Variants in BARX2 observed in about 807,000 individuals in gnomAD.
BARX2 encodes the protein homeobox protein BarH-like 2.
Under a neutral mutation model 25.5 loss-of-function variants are expected in BARX2, and 11 were observed. That is an observed-to-expected ratio of 0.43 (90% CI 0.27 to 0.71). BARX2 has a LOEUF of 0.71. Ranked by LOEUF, BARX2 falls within the 30% of genes least tolerant of loss-of-function variation. BARX2 has a pLI of 0.19. For missense variants in BARX2, 360 were observed against 359.9 expected (o/e 1.00, Z 0.00); for synonymous variants, 137 against 149.5 (o/e 0.92, Z 0.61).
rs144761176 is a variant in BARX2, at chr11:129,396,011, T to TG, written c.187+19790dup. Among the ~76,000 whole-genome samples the TG allele has an allele frequency of 6.7e-3, 1,017 of 152,278 alleles. 18 individuals are homozygous for TG. The highest frequency in any genetic ancestry group is 0.023 in the African/African-American group (973 of 41,542). ...CAGCAGAAAGCCAGGAAACACAATC[T>TG]GCAAGAAGCTAGGGGTGTAATAATA... On this transcript the variant is annotated intron_variant, in intron 1 of 3. Coordinates refer to ENST00000281437, the MANE Select transcript of BARX2 (RefSeq NM_003658.5).
At chr11:129,411,489 T>C (rs531500912) in intron 1 of BARX2, among the ~76,000 whole-genome samples, 13 of 152,116 alleles carry the variant, frequency 8.5e-5, no homozygotes, top group Admixed American at 2.0e-4. Flanking sequence ...TTTGCTTACA[T>C]GGCAATTCTG....
chr11:129,395,851 C>T (rs1402410967), intron 1 of BARX2, among the ~76,000 whole-genome samples: 3 of 152,188 alleles, frequency 2.0e-5, no homozygotes, highest in East Asian at 1.9e-4. Flanking sequence ...GCAGGCTGCT[C>T]ATGGTGAAAT....
In BARX2 at chr11:129,405,972, C is replaced by G. The variant is rs1025290612; in HGVS notation, c.187+29750C>G. 6.6e-5 allele frequency among the ~76,000 whole-genome samples: 10 copies of G among 152,292 alleles called. No homozygotes were observed. In the East Asian group the frequency reaches 1.9e-3, roughly 29 times the overall value. The stretch of plus-strand genomic sequence containing the variant: ...CTTTAGTCCACATTTAAGTGATTGT[C>G]TTGCTTTATAGGTACCTATGTATGT... On this transcript the variant is annotated intron_variant, in intron 1 of 3. Transcript: ENST00000281437.
chr11:129,400,279 A>G (rs972579441), intron 1 of BARX2, among the ~76,000 whole-genome samples: 4 of 152,154 alleles, frequency 2.6e-5, no homozygotes, highest in African/African-American at 9.7e-5. Context: ...GTCAATTTAA[A>G]TACCCTGGGC....
intron 1 of BARX2, among the ~76,000 whole-genome samples, chr11:129,410,456 G>C (rs1205946011): frequency 6.6e-6 from 1 of 151,998 alleles, no homozygotes; most frequent in Non-Finnish European, 1.5e-5. Flanking sequence ...CCACCTGTTT[G>C]TTTGATTTCT....
chr11:129,398,670 C>A (rs1460573938), intron 1 of BARX2, among the ~76,000 whole-genome samples: 1 of 152,060 alleles, frequency 6.6e-6, no homozygotes, highest in Non-Finnish European at 1.5e-5. Flanking sequence ...AATTTAGAAC[C>A]CTGTGTTTGA....
rs141963466 is a variant in BARX2, at chr11:129,404,317, C to G, written c.187+28095C>G. ...CCACAGATTACAAGGGCATGCCTGT[C>G]TCATGCGCCAACCAAAATGATGGTG... On this transcript the variant is annotated intron_variant, in intron 1 of 3. Transcript: ENST00000281437. 2.0e-3 allele frequency among the ~76,000 whole-genome samples: 299 copies of G among 152,364 alleles called. 2 individuals carry two copies. Among genetic ancestry groups the G allele is most frequent in the African/African-American group, 7.0e-3 (291 of 41,590 alleles).
chr11:129,396,392 C>CT (rs751936942), intron 1 of BARX2, among the ~76,000 whole-genome samples: 1,864 of 143,144 alleles, frequency 0.013, 30 homozygotes, highest in African/African-American at 0.038. Flanking sequence ...CCCCACTCAC[C>CT]TTTTTTTTTT....
intron 1 of BARX2, among the ~76,000 whole-genome samples, chr11:129,377,243 G>A (rs545574667): frequency 6.6e-6 from 1 of 152,246 alleles, no homozygotes; most frequent in East Asian, 1.9e-4. Context: ...AAAATGAAGG[G>A]CCAACAGTTT....
chr11:129,419,933 A>T (rs1253894553), intron 1 of BARX2, among the ~76,000 whole-genome samples: 2 of 151,892 alleles, frequency 1.3e-5, no homozygotes, highest in Non-Finnish European at 2.9e-5. Context: ...TGCATTAGCC[A>T]CCACGTCTGG....
chr11:129,410,804 C>T (rs1269116009), intron 1 of BARX2, among the ~76,000 whole-genome samples: 3 of 152,126 alleles, frequency 2.0e-5, no homozygotes, highest in African/African-American at 7.2e-5. Context: ...CAGGGTTCAC[C>T]CCACAGTTCT....
At chr11:129,402,564 T>G (rs928346546) in intron 1 of BARX2, among the ~76,000 whole-genome samples, 2 of 152,190 alleles carry the variant, frequency 1.3e-5, no homozygotes, top group Non-Finnish European at 2.9e-5. Context: ...GCCCTTTCAT[T>G]TATAGTATTT....
chr11:129,451,164 C>A lies in BARX2; in HGVS notation c.602C>A (p.Thr201Lys). The A allele has an allele frequency of 6.2e-7, 1 of 1,614,062 alleles. No individual in the cohort carries two copies. Among genetic ancestry groups the A allele is most frequent in the Non-Finnish European group, 8.5e-7 (1 of 1,179,980 alleles). Residue 201 changes from threonine to lysine, a missense_variant, in exon 4 of 4, where the codon ACA (threonine) becomes AAA (lysine). Physicochemically the swap from Thr to Lys is moderately conservative, Grantham distance 78 (BLOSUM62 -1). Around this residue, in one of 3 missense-constraint regions of BARX2, gnomAD observed 114 missense variants for 109.4 expected, o/e 1.04. Transcript: ENST00000281437. ...CTTAAAGGTGGACAGGAAGCACCCA[C>A]AAAACCCAAAGGTCGCCCCAAGAAG... ...MVLKGGQEAP[T>K]KPKGRPKKNS...
At chr11:129,445,011 AAT>A (rs138863735) in intron 3 of BARX2, among the ~76,000 whole-genome samples, 8,050 of 151,664 alleles carry the variant, frequency 0.053, 697 homozygotes, top group African/African-American at 0.18. Context: ...AAAAAATAAA[AAT>A]AAAATAAATA....
intron 1 of BARX2, among the ~76,000 whole-genome samples, chr11:129,422,705 C>CT (rs35370470): frequency 0.014 from 1,850 of 136,692 alleles, 28 homozygotes; most frequent in African/African-American, 0.038. Context: ...ATTTTATTCT[C>CT]TTTTTTTTTT....
At chr11:129,450,167 C>G (rs1277776928) in intron 3 of BARX2, among the ~76,000 whole-genome samples, 1 of 152,142 alleles carries the variant, frequency 6.6e-6, no homozygotes, top group Admixed American at 6.5e-5. Context: ...GAATTTAACC[C>G]AGTTTTTCTA....
At position 129,445,940 on chromosome 11, in the gene BARX2, C is replaced by T. The variant is rs192117725; in HGVS notation, c.573+3021C>T. Among the ~76,000 whole-genome samples the T allele has an allele frequency of 6.1e-4, 93 of 152,238 alleles. 3 individuals carry two copies. In the East Asian group the frequency reaches 0.014, roughly 22 times the overall value. On this transcript the variant is annotated intron_variant, in intron 3 of 3. Coordinates refer to ENST00000281437, the MANE Select transcript of BARX2 (RefSeq NM_003658.5). ...AAAGATAATTGAGTAATAAAGATGT[C>T]TCAAGGCTAGTAACCTAATTGGAAC...
intron 1 of BARX2, among the ~76,000 whole-genome samples, chr11:129,402,867 C>T (rs140995870): frequency 2.2e-4 from 34 of 152,294 alleles, no homozygotes; most frequent in African/African-American, 7.5e-4. Flanking sequence ...CCTGGGAGTC[C>T]TTGTCCTCAA....
intron 1 of BARX2, among the ~76,000 whole-genome samples, chr11:129,392,047 C>T (rs1209883230): frequency 6.6e-6 from 1 of 152,224 alleles, no homozygotes; most frequent in African/African-American, 2.4e-5. Context: ...GGATGGAACA[C>T]TTAATTGGGA....
Sources: allele counts gnomAD v4.1 joint callset (sites outside exome capture counted in the v4.1 genomes callset), GRCh38; gene constraint gnomAD v4.1.1; regional missense constraint gnomAD v4.1.1; transcripts MANE v1.5; gene names NCBI Gene and HGNC (gene_info 2026-07-23, HGNC 2026-07-21).